GAN: variants seen among roughly 807,000 people sequenced by gnomAD.
GAN encodes the protein gigaxonin, also known as epididymis secretory sperm binding protein.
A neutral mutation model predicts 71.3 loss-of-function variants in GAN; 48 were observed. The observed-to-expected ratio is 0.67, with a 90% CI of 0.53 to 0.86. The LOEUF (loss-of-function observed/expected upper bound fraction) is 0.86. GAN is among the 40% of genes least tolerant of loss of function. The pLI is 0.00. For missense variants in GAN, 928 were observed against 770.1 expected, an observed-to-expected ratio of 1.21 and a Z score of -2.43; for synonymous variants, 386 against 276.8, an observed-to-expected ratio of 1.39 and a Z score of -3.92.
rs1177938687 is a variant in GAN at position 81,384,067 on chromosome 16, C to T, written c.*6471C>T. ...GTTTAAATACAACTGTACTAACTTG[C>T]TTTATCATGTTTCCTGTTTAATTGG... is the stretch of plus-strand genomic sequence containing the variant. On this transcript the variant is annotated 3_prime_UTR_variant, in exon 11 of 11. Transcript: ENST00000648994. 1 of 151,928 alleles carries T rather than the reference C, an allele frequency of 6.6e-6. No individual in the cohort carries two copies. The highest frequency in any genetic ancestry group is 2.4e-5 in the African/African-American group (1 of 41,376). 9.4% of individuals were successfully genotyped at this position (151,928 alleles called of 1,614,324 possible). A position where few individuals can be genotyped will look rare whatever the true frequency, so the allele number is the denominator to read the frequency against.
At position 81,343,576 on chromosome 16, in the gene GAN, G is replaced by C. The variant is rs565565774; in HGVS notation, c.168-8007G>C. 1.6e-3 allele frequency among the ~76,000 whole-genome samples: 239 copies of C among 152,188 alleles called. 1 individual carries two copies. Among genetic ancestry groups the C allele is most frequent in the African/African-American group, 5.6e-3 (231 of 41,502 alleles). On this transcript the variant is annotated intron_variant, in intron 1 of 10. Transcript: ENST00000648994. Reference sequence around the variant, plus strand: ...TTGACAAAATTTGGCAGCCTTTCATGGTAAAAACTCTCAATAAACTAGGTA... The same window carrying C: ...TTGACAAAATTTGGCAGCCTTTCATCGTAAAAACTCTCAATAAACTAGGTA...
chr16:81,373,915 G>T (rs1030748449), intron 9 of GAN, among the ~76,000 whole-genome samples: 2 of 152,106 alleles, frequency 1.3e-5, no homozygotes, highest in Non-Finnish European at 2.9e-5. Flanking sequence ...GCTAATTTTT[G>T]TATCTTTAGT....
At chr16:81,336,972 G>C (rs1909785268) in intron 1 of GAN, among the ~76,000 whole-genome samples, 1 of 152,194 alleles carries the variant, frequency 6.6e-6, no homozygotes, top group East Asian at 1.9e-4. Context: ...GTTGACGTCA[G>C]GGTTCACTCT....
intron 1 of GAN, among the ~76,000 whole-genome samples, chr16:81,326,179 C>T (rs1909379732): frequency 6.6e-6 from 1 of 151,964 alleles, no homozygotes; most frequent in African/African-American, 2.4e-5. Flanking sequence ...CTTTTTTGTC[C>T]AGGGCCAGGG....
chr16:81,337,792 A>C (rs1909813338), intron 1 of GAN, among the ~76,000 whole-genome samples: 1 of 152,230 alleles, frequency 6.6e-6, no homozygotes, highest in African/African-American at 2.4e-5. Context: ...ACTTTAATAG[A>C]ACAGAAGAAC....
At chr16:81,339,484 C>G (rs923349991) in intron 1 of GAN, among the ~76,000 whole-genome samples, 4 of 152,168 alleles carry the variant, frequency 2.6e-5, no homozygotes, top group African/African-American at 7.2e-5. Flanking sequence ...TACATGTAAT[C>G]ATCAAGCAGC....
chr16:81,374,591 A>G (rs187761893), intron 9 of GAN, among the ~76,000 whole-genome samples: 174 of 152,174 alleles, frequency 1.1e-3, no homozygotes, highest in African/African-American at 4.0e-3. Context: ...TATTTATTTT[A>G]TTTCCTGAGT....
chr16:81,354,038 A>T (rs755915831), intron 2 of GAN, among the ~76,000 whole-genome samples: 1 of 152,174 alleles, frequency 6.6e-6, no homozygotes, highest in African/African-American at 2.4e-5. Flanking sequence ...GTACTTAATC[A>T]TGTTGACTTT....
chr16:81,364,954 C>T lies in GAN; in HGVS notation c.1237-20C>T. 6.2e-7 allele frequency: 1 copy of T among 1,613,106 alleles called. No individual in the cohort carries two copies. Reference sequence around the variant, plus strand: ...AATGAGAAATGTTGCCTCTCCCCCACCATTGTTCTCTGCTTTCAGATCGGC... The same window carrying T: ...AATGAGAAATGTTGCCTCTCCCCCATCATTGTTCTCTGCTTTCAGATCGGC... On this transcript the variant is annotated intron_variant, in intron 7 of 10. Coordinates refer to ENST00000648994, the MANE Select transcript of GAN (RefSeq NM_022041.4).
chr16:81,360,107 TAGAC>T (rs892197073), intron 5 of GAN, among the ~76,000 whole-genome samples: 10 of 152,130 alleles, frequency 6.6e-5, no homozygotes, highest in African/African-American at 9.7e-5. Flanking sequence ...AGATGATTGA[TAGAC>T]AGGCAGGTAG....
At chr16:81,349,136 T>C (rs1428085051) in intron 1 of GAN, among the ~76,000 whole-genome samples, 1 of 152,154 alleles carries the variant, frequency 6.6e-6, no homozygotes, top group Admixed American at 6.5e-5. Flanking sequence ...GAAATTCAAC[T>C]ATTTCCTAAG....
At chr16:81,329,673 G>T (rs1597390981) in intron 1 of GAN, among the ~76,000 whole-genome samples, 1 of 152,100 alleles carries the variant, frequency 6.6e-6, no homozygotes, top group Non-Finnish European at 1.5e-5. Context: ...GATATATTTT[G>T]TTGATACTTG....
At chr16:81,317,415 G>C (rs1328972823) in intron 1 of GAN, among the ~76,000 whole-genome samples, 3 of 152,206 alleles carry the variant, frequency 2.0e-5, no homozygotes, top group Non-Finnish European at 2.9e-5. Context: ...AGATGACAAG[G>C]CTTCAGCTCA....
intron 5 of GAN, 99 bp from the exon 6 acceptor site, chr16:81,362,400 A>G (rs1910703932): frequency 2.7e-6 from 2 of 744,394 alleles, no homozygotes. Flanking sequence ...CATTGTTGTC[A>G]TCAGAGAGTT....
At chr16:81,373,339 A>G (rs536980917) in intron 9 of GAN, among the ~76,000 whole-genome samples, 158 of 152,320 alleles carry the variant, frequency 1.0e-3, no homozygotes, top group South Asian at 2.3e-3. Context: ...TGACCTGGCT[A>G]TGCCTGTTAG....
chr16:81,342,057 G>C (rs906274320), intron 1 of GAN, among the ~76,000 whole-genome samples: 1 of 152,168 alleles, frequency 6.6e-6, no homozygotes, highest in African/African-American at 2.4e-5. Flanking sequence ...TAATGGTAAA[G>C]GGATCTATTC....
chr16:81,375,508 G>A (rs1329340621), intron 9 of GAN, among the ~76,000 whole-genome samples: 1 of 151,638 alleles, frequency 6.6e-6, no homozygotes, highest in Admixed American at 6.6e-5. Context: ...TGTATTTTTT[G>A]TAAAGACAAG....
In GAN at chr16:81,382,432, A is replaced by G. The variant is rs1567503374; in HGVS notation, c.*4836A>G. 2 of 152,238 alleles carry G rather than the reference A, an allele frequency of 1.3e-5. No homozygotes were observed. Among genetic ancestry groups the G allele is most frequent in the Non-Finnish European group, 2.9e-5 (2 of 68,032 alleles). The allele number at this position is 152,238 out of a possible 1,614,324, so 9.4% of individuals were successfully genotyped here. On this transcript the variant is annotated 3_prime_UTR_variant, in exon 11 of 11. Coordinates refer to ENST00000648994, the MANE Select transcript of GAN (RefSeq NM_022041.4). Reference sequence around the variant, plus strand: ...TTAGCTATAGGAAGGTTAAGAATTTATTTACTAAGGTCGTAAGAACAGAAG... The same window carrying G: ...TTAGCTATAGGAAGGTTAAGAATTTGTTTACTAAGGTCGTAAGAACAGAAG...
chr16:81,350,808 T>G (rs1338456644), intron 1 of GAN, among the ~76,000 whole-genome samples: 1 of 152,148 alleles, frequency 6.6e-6, no homozygotes, highest in Non-Finnish European at 1.5e-5. Context: ...CGTGAGCCAC[T>G]GCACCCAGCC....
Sources: gnomAD v4.1 joint callset for allele counts (sites outside exome capture counted in the v4.1 genomes callset) on GRCh38, gnomAD v4.1.1 for gene constraint, MANE v1.5 for transcripts, NCBI Gene and HGNC (gene_info 2026-07-23, HGNC 2026-07-21) for gene names.